Variants in LRP5 observed in about 807,000 individuals in gnomAD.
The protein encoded by LRP5 is LDL receptor related protein 5.
In LRP5, 62 loss-of-function variants were observed where a neutral mutation model predicts 154.1. The ratio of observed to expected loss-of-function variants is 0.40; its 90% CI spans 0.33 to 0.50. LRP5 has a LOEUF of 0.50. Ranked by LOEUF, LRP5 falls within the 20% of genes least tolerant of loss-of-function variation. The pLI is 0.55. For synonymous variants in LRP5, 966 were observed against 1,011.5 expected (o/e 0.96, Z 0.85); for missense variants, 1,915 against 2,336.7 (o/e 0.82, Z 3.72).
chr11:68,409,076 AT>A, intron 9 of LRP5, among the ~76,000 whole-genome samples: 2 of 38,006 alleles, frequency 5.3e-5, no homozygotes, highest in African/African-American at 1.7e-4. Flanking sequence ...AAAAAAAAAT[AT>A]ATATATATAT....
At chr11:68,348,781 A>G (rs2098615875) in intron 2 of LRP5, among the ~76,000 whole-genome samples, 1 of 152,164 alleles carries the variant, frequency 6.6e-6, no homozygotes, top group African/African-American at 2.4e-5. Context: ...CCATTTCTAC[A>G]AAGTATACAA....
chr11:68,396,803 T>C (rs2098649645), intron 7 of LRP5, among the ~76,000 whole-genome samples: 1 of 151,968 alleles, frequency 6.6e-6, no homozygotes, highest in Admixed American at 6.5e-5. Context: ...GTTCCAGCCC[T>C]GGGCACCCTC....
At chr11:68,381,381 C>T (rs2098640168) in intron 5 of LRP5, among the ~76,000 whole-genome samples, 1 of 152,144 alleles carries the variant, frequency 6.6e-6, no homozygotes, top group Non-Finnish European at 1.5e-5. Flanking sequence ...CAGAGGTGGG[C>T]AGGGACGGAC....
intron 7 of LRP5, among the ~76,000 whole-genome samples, chr11:68,402,459 G>C (rs1355126881): frequency 6.6e-6 from 1 of 152,204 alleles, no homozygotes; most frequent in Non-Finnish European, 1.5e-5. Context: ...TGCAGGCTCA[G>C]ACTTAGAACC....
chr11:68,384,616 G>A (rs1247171497), intron 5 of LRP5, among the ~76,000 whole-genome samples: 8 of 152,168 alleles, frequency 5.3e-5, no homozygotes, highest in Admixed American at 3.3e-4. Flanking sequence ...AGTCTGCATG[G>A]GTCTCCACTT....
At chr11:68,370,385 T>C (rs532816006) in intron 5 of LRP5, among the ~76,000 whole-genome samples, 14 of 151,978 alleles carry the variant, frequency 9.2e-5, no homozygotes, top group African/African-American at 2.9e-4. Context: ...CTGTGGTGAT[T>C]AGAGGAGGCT....
chr11:68,411,325 G>C, intron 10 of LRP5, 111 bp from the exon 11 acceptor site: 2 of 1,205,926 alleles, frequency 1.7e-6, no homozygotes, highest in Non-Finnish European at 2.3e-6. Context: ...CTTTCTCCAG[G>C]ACGGGGAGGG....
intron 9 of LRP5, among the ~76,000 whole-genome samples, chr11:68,407,358 G>C (rs1351652707): frequency 6.6e-6 from 1 of 151,300 alleles, no homozygotes; most frequent in Non-Finnish European, 1.5e-5. Flanking sequence ...TTTTAGTAGA[G>C]ACAGGGTTTC....
intron 1 of LRP5, among the ~76,000 whole-genome samples, chr11:68,333,125 G>A (rs2098603840): frequency 6.6e-6 from 1 of 152,136 alleles, no homozygotes; most frequent in Admixed American, 6.5e-5. Context: ...GGGTTTGAGT[G>A]GCCACCGCCA....
At chr11:68,346,702 G>T (rs2098613252) in intron 1 of LRP5, among the ~76,000 whole-genome samples, 1 of 152,214 alleles carries the variant, frequency 6.6e-6, no homozygotes, top group African/African-American at 2.4e-5. Flanking sequence ...GCTGTTTCAA[G>T]CCAAGGCTTC....
intron 16 of LRP5, 92 bp from the exon 17 acceptor site, chr11:68,429,483 C>A: frequency 6.5e-7 from 1 of 1,547,412 alleles, no homozygotes. Context: ...GGCCAGTTCT[C>A]ATGAGTTCTC....
At chr11:68,348,808 A>T (rs1591206229) in intron 2 of LRP5, among the ~76,000 whole-genome samples, 2 of 152,064 alleles carry the variant, frequency 1.3e-5, no homozygotes, top group Admixed American at 6.5e-5. Context: ...ATCGGGTGTG[A>T]TGGTATGCAC....
chr11:68,359,437 C>T (rs2098625845), intron 3 of LRP5, among the ~76,000 whole-genome samples: 1 of 152,094 alleles, frequency 6.6e-6, no homozygotes, highest in Admixed American at 6.6e-5. Flanking sequence ...TTCTTGGGAG[C>T]TGAGTGATCT....
intron 8 of LRP5, among the ~76,000 whole-genome samples, chr11:68,406,016 C>T (rs2098655460): frequency 2.6e-5 from 4 of 152,260 alleles, no homozygotes; most frequent in African/African-American, 9.6e-5. Flanking sequence ...TCCCTGACTT[C>T]CTGACCATGC....
intron 1 of LRP5, among the ~76,000 whole-genome samples, chr11:68,339,807 A>T (rs2098607889): frequency 6.6e-6 from 1 of 152,156 alleles, no homozygotes; most frequent in South Asian, 2.1e-4. Context: ...GTGTACCTGT[A>T]TGTGTACATA....
intron 6 of LRP5, among the ~76,000 whole-genome samples, chr11:68,388,254 A>G (rs933201714): frequency 3.9e-5 from 6 of 152,000 alleles, no homozygotes; most frequent in Non-Finnish European, 5.9e-5. Flanking sequence ...GTTGCCAGCT[A>G]CAGTGAAGGG....
Position 68,357,719 on chromosome 11 carries a change from G to C in LRP5, c.558G>C (p.Arg186=), listed in dbSNP as rs369652619. 2 of 1,614,088 alleles carry C rather than the reference G, an allele frequency of 1.2e-6. No homozygotes were observed. Among genetic ancestry groups the C allele is most frequent in the African/African-American group, 1.3e-5 (1 of 74,952 alleles). The change falls in exon 3 of 23, where the codon CGG becomes CGC. Residue 186 remains arginine, a synonymous_variant. Coordinates refer to ENST00000294304, the MANE Select transcript of LRP5 (RefSeq NM_002335.4). The part of the protein sequence containing the change: ...IERAGMDGST[R]KIIVDSDIYW... ...GGGCAGGGATGGATGGCAGCACCCG[G>C]AAGATCATTGTGGACTCGGACATTT...
At chr11:68,440,673 T>TCA (rs2098677705) in intron 21 of LRP5, among the ~76,000 whole-genome samples, 1 of 152,232 alleles carries the variant, frequency 6.6e-6, no homozygotes, top group Non-Finnish European at 1.5e-5. Context: ...TTCTGCTTCC[T>TCA]CTGGGGCCTC....
Position 68,423,531 on chromosome 11 carries a change from A to G in LRP5, c.3070A>G (p.Arg1024Gly). 6.2e-7 allele frequency: 1 copy of G among 1,614,214 alleles called. No individual in the cohort carries two copies. Among genetic ancestry groups the G allele is most frequent in the Non-Finnish European group, 8.5e-7 (1 of 1,180,022 alleles). The stretch of plus-strand genomic sequence containing the variant: ...TCTGAGCCAAGGCCAAAACCCAGAC[A>G]GGCAGCCCCACGACCTCAGCATCGA... ...TSLSQGQNPD[R>G]QPHDLSIDIY... Residue 1024 changes from arginine to glycine, a missense_variant, in exon 14 of 23, where the codon AGG becomes GGG. Around this residue, in one of 3 missense-constraint regions of LRP5, gnomAD observed 1,094 missense variants for 1,210.1 expected, o/e 0.90. Coordinates refer to ENST00000294304, the MANE Select transcript of LRP5 (RefSeq NM_002335.4). This position sits in a 1 kb window ranked among gnomAD's most constrained non-coding sequence, Gnocchi z 4.7.
Sources: gnomAD v4.1 joint callset for allele counts (sites outside exome capture counted in the v4.1 genomes callset) on GRCh38, gnomAD v4.1.1 for gene constraint, gnomAD v4.1.1 regional missense constraint, Gnocchi (gnomAD v3.1) non-coding constraint, MANE v1.5 for transcripts, NCBI Gene and HGNC (gene_info 2026-07-23, HGNC 2026-07-21) for gene names.